The following ROR1 variants were observed in gnomAD, a reference collection of about 807,000 sequenced individuals.
The protein encoded by ROR1 is inactive tyrosine-protein kinase transmembrane receptor ROR1.
A neutral mutation model predicts 78.8 loss-of-function variants in ROR1; 19 were observed. The ratio of observed to expected loss-of-function variants is 0.24; its 90% CI spans 0.17 to 0.35. The LOEUF (loss-of-function observed/expected upper bound fraction) is 0.35, where lower values mean the gene tolerates loss of function less well. Ranked by LOEUF, ROR1 falls within the 10% of genes least tolerant of loss-of-function variation. The probability of loss-of-function intolerance (pLI) is 1.00; values close to 1 mark genes in which losing one functional copy is unlikely to be tolerated. For synonymous variants in ROR1, 386 were observed against 433.6 expected (o/e 0.89, Z 1.36); for missense variants, 917 against 1,177.8 (o/e 0.78, Z 3.24).
chr1:63,806,752 G>GT (rs1235500063), intron 1 of ROR1, among the ~76,000 whole-genome samples: 1 of 152,058 alleles, frequency 6.6e-6, no homozygotes, highest in African/African-American at 2.4e-5. Flanking sequence ...TCTTTGTATT[G>GT]TTTTTCAAGT....
chr1:63,836,018 A>G (rs1487006461), intron 1 of ROR1, among the ~76,000 whole-genome samples: 2 of 152,244 alleles, frequency 1.3e-5, no homozygotes, highest in Non-Finnish European at 2.9e-5. Context: ...CAGAGATTTT[A>G]TAATTTGAAA....
chr1:63,823,076 A>C (rs1461594297), intron 1 of ROR1, among the ~76,000 whole-genome samples: 1 of 152,046 alleles, frequency 6.6e-6, no homozygotes, highest in Non-Finnish European at 1.5e-5. Context: ...ATTGTTATTT[A>C]AGTTAATATA....
intron 1 of ROR1, among the ~76,000 whole-genome samples, chr1:63,827,773 G>T (rs930365060): frequency 6.6e-6 from 1 of 152,112 alleles, no homozygotes; most frequent in African/African-American, 2.4e-5. Flanking sequence ...ATTTAAACTG[G>T]GTGAAACTGA....
intron 1 of ROR1, among the ~76,000 whole-genome samples, chr1:63,784,166 C>T (rs1024525613): frequency 2.0e-5 from 3 of 151,978 alleles, no homozygotes; most frequent in Non-Finnish European, 2.9e-5. Context: ...ATTTTATGTA[C>T]AGTATTACCT....
chr1:64,157,998 G>A (rs997759917), intron 7 of ROR1, among the ~76,000 whole-genome samples: 2 of 152,124 alleles, frequency 1.3e-5, no homozygotes, highest in African/African-American at 4.8e-5. Context: ...CGTTATCAGG[G>A]CATGTCATTA....
chr1:63,884,322 T>C (rs1645342644), intron 1 of ROR1, among the ~76,000 whole-genome samples: 1 of 152,158 alleles, frequency 6.6e-6, no homozygotes, highest in South Asian at 2.1e-4. Flanking sequence ...AGACTGTTGG[T>C]GCCTGCACTT....
intron 1 of ROR1, among the ~76,000 whole-genome samples, chr1:63,987,636 A>G (rs1451213000): frequency 6.6e-6 from 1 of 152,216 alleles, no homozygotes; most frequent in Non-Finnish European, 1.5e-5. Flanking sequence ...AGAAAACCTG[A>G]GGGTATTGTT....
chr1:63,968,751 C>T (rs1646095938), intron 1 of ROR1, among the ~76,000 whole-genome samples: 1 of 152,128 alleles, frequency 6.6e-6, no homozygotes, highest in Admixed American at 6.6e-5. Flanking sequence ...GGCTCCATGT[C>T]CATGGCACTA....
intron 1 of ROR1, among the ~76,000 whole-genome samples, chr1:63,997,593 T>G (rs1646347540): frequency 6.6e-6 from 1 of 152,214 alleles, no homozygotes; most frequent in Admixed American, 6.5e-5. Context: ...AAGCTTTTTG[T>G]GTTTTTCAGT....
chr1:64,130,982 G>T (rs1000318653), intron 4 of ROR1, among the ~76,000 whole-genome samples: 1 of 152,148 alleles, frequency 6.6e-6, no homozygotes, highest in African/African-American at 2.4e-5. Flanking sequence ...CGATTCACAA[G>T]TTTTAAAAAG....
intron 2 of ROR1, among the ~76,000 whole-genome samples, chr1:64,043,812 T>G (rs1646763301): frequency 6.6e-6 from 1 of 152,220 alleles, no homozygotes; most frequent in Admixed American, 6.5e-5. Context: ...AACTTCTCTG[T>G]GTCTCAGTTT....
Position 64,178,875 on chromosome 1 carries a change from T to G in ROR1, c.*20T>G. 10 of 1,577,864 alleles carry G rather than the reference T, an allele frequency of 6.3e-6. No homozygotes were observed. Among genetic ancestry groups the G allele is most frequent in the Non-Finnish European group, 7.8e-6 (9 of 1,151,774 alleles). The stretch of plus-strand genomic sequence containing the variant: ...CTGTAAAATGCACAACTTTTGTAAA[T>G]GTGGTATACAGGACAAACTAGACGG... On this transcript the variant is annotated 3_prime_UTR_variant, in exon 9 of 9. Transcript: ENST00000371079. This position sits in a 1 kb window ranked among gnomAD's most constrained non-coding sequence, Gnocchi z 4.3.
Position 64,063,674 on chromosome 1 carries a change from C to T in ROR1, c.482+12958C>T, listed in dbSNP as rs542447277. 3.3e-5 allele frequency among the ~76,000 whole-genome samples: 5 copies of T among 152,194 alleles called. No homozygotes were observed. In the Middle Eastern group the frequency reaches 0.01, roughly 311 times the overall value. On this transcript the variant is annotated intron_variant, in intron 4 of 8. Coordinates refer to ENST00000371079, the MANE Select transcript of ROR1 (RefSeq NM_005012.4). ...ACACACACAAACACACTCATTCACA[C>T]AGTCACACATGCTCCAGAAGCAACA...
At chr1:63,922,408 T>G (rs1645663279) in intron 1 of ROR1, among the ~76,000 whole-genome samples, 1 of 152,182 alleles carries the variant, frequency 6.6e-6, no homozygotes, top group Non-Finnish European at 1.5e-5. Flanking sequence ...TCTCTCCTTT[T>G]CATAAGACTA....
intron 4 of ROR1, among the ~76,000 whole-genome samples, chr1:64,122,863 C>T (rs952819204): frequency 1.3e-5 from 2 of 152,156 alleles, no homozygotes; most frequent in East Asian, 3.9e-4. Context: ...ATGTATAGCC[C>T]TGATGACATC....
chr1:64,007,480 A>G (rs1212192256), intron 1 of ROR1, among the ~76,000 whole-genome samples: 1 of 152,006 alleles, frequency 6.6e-6, no homozygotes, highest in African/African-American at 2.4e-5. Flanking sequence ...AATTTTCAAA[A>G]AACAAGAACA....
At chr1:64,058,592 G>A (rs1646892828) in intron 4 of ROR1, among the ~76,000 whole-genome samples, 1 of 47,142 alleles carries the variant, frequency 2.1e-5, no homozygotes, top group Non-Finnish European at 4.2e-5. Flanking sequence ...AGATGATCGT[G>A]GTGGGTTTTT....
chr1:63,949,207 A>G (rs762721771), intron 1 of ROR1, among the ~76,000 whole-genome samples: 21 of 152,156 alleles, frequency 1.4e-4, no homozygotes, highest in Non-Finnish European at 2.8e-4. Context: ...GAAAAGAAAA[A>G]AGGAAAGGCT....
chr1:63,902,159 T>A (rs1645490230), intron 1 of ROR1, among the ~76,000 whole-genome samples: 1 of 152,198 alleles, frequency 6.6e-6, no homozygotes, highest in South Asian at 2.1e-4. Flanking sequence ...TCCTTAGCTT[T>A]AAAAAATTCT....
Sources: allele counts gnomAD v4.1 joint callset (sites outside exome capture counted in the v4.1 genomes callset), GRCh38; gene constraint gnomAD v4.1.1; non-coding constraint Gnocchi (gnomAD v3.1); transcripts MANE v1.5; gene names NCBI Gene and HGNC (gene_info 2026-07-23, HGNC 2026-07-21).